Variants in MCF2L2 observed in about 807,000 individuals in gnomAD.
MCF2L2 encodes probable guanine nucleotide exchange factor MCF2L2.
A neutral mutation model predicts 150.2 loss-of-function variants in MCF2L2; 102 were observed. The observed-to-expected ratio is 0.68, with a 90% CI of 0.58 to 0.80. The LOEUF is 0.80. MCF2L2 is among the 30% of genes least tolerant of loss of function. The pLI is 0.00. For missense variants in MCF2L2, 1,256 were observed against 1,372.8 expected (o/e 0.91, Z 1.34); for synonymous variants, 465 against 491.3 (o/e 0.95, Z 0.71).
rs528486125 is a variant in MCF2L2 at position 183,239,278 on chromosome 3, G to A, written c.1863-8261C>T. Reference sequence around the variant, plus strand: ...TGCTTTACGTTTCAAAACAGACGCCGCCCTTAGCTCATTAAAGGGGAAATG... The same window carrying A: ...TGCTTTACGTTTCAAAACAGACGCCACCCTTAGCTCATTAAAGGGGAAATG... On this transcript the variant is annotated intron_variant, in intron 15 of 29. Coordinates refer to ENST00000328913, the MANE Select transcript of MCF2L2 (RefSeq NM_015078.4). Among the ~76,000 whole-genome samples the A allele has an allele frequency of 1.5e-3, 232 of 152,106 alleles. 2 individuals carry two copies. The highest frequency in any genetic ancestry group is 3.4e-3 in the Middle Eastern group (1 of 294).
chr3:183,215,291 T>A (rs1722873184), intron 22 of MCF2L2, among the ~76,000 whole-genome samples: 1 of 152,088 alleles, frequency 6.6e-6, no homozygotes, highest in South Asian at 2.1e-4. Context: ...AACAAACACA[T>A]CTGAATAAAA....
At position 183,305,038 on chromosome 3, in the gene MCF2L2, C is replaced by T. The variant is rs541625051; in HGVS notation, c.1113+4678G>A. On this transcript the variant is annotated intron_variant, in intron 10 of 29. Transcript: ENST00000328913. This position sits in a 1 kb window ranked among gnomAD's most constrained non-coding sequence, Gnocchi z 4.1. The stretch of plus-strand genomic sequence containing the variant: ...GCCAGGCACTGTTCTGAATGCTTTA[C>T]ATTTGCTTATTTCCTTAACTCTTCA... Among the ~76,000 whole-genome samples, 3 of 152,256 alleles carry T rather than the reference C, an allele frequency of 2.0e-5. No homozygotes were observed. Among genetic ancestry groups the T allele is most frequent in the Non-Finnish European group, 4.4e-5 (3 of 68,000 alleles).
intron 27 of MCF2L2, among the ~76,000 whole-genome samples, chr3:183,191,069 T>C (rs1225928058): frequency 6.6e-6 from 1 of 151,800 alleles, no homozygotes. Flanking sequence ...GTATTTTTAG[T>C]TTCATCATGT....
intron 7 of MCF2L2, among the ~76,000 whole-genome samples, chr3:183,315,503 G>A (rs1171609463): frequency 6.6e-6 from 1 of 152,082 alleles, no homozygotes; most frequent in Non-Finnish European, 1.5e-5. Context: ...TTGGATAGGG[G>A]GTGTTTAACC....
chr3:183,270,144 T>C lies in MCF2L2; in HGVS notation c.1862+6728A>G. 1 of 1,614,112 alleles carries C rather than the reference T, an allele frequency of 6.2e-7. No homozygotes were observed. Among genetic ancestry groups the C allele is most frequent in the African/African-American group, 1.3e-5 (1 of 75,022 alleles). On this transcript the variant is annotated intron_variant, in intron 15 of 29. Transcript: ENST00000328913. This position sits in a 1 kb window ranked among gnomAD's most constrained non-coding sequence, Gnocchi z 4.5. Reference sequence around the variant, plus strand: ...TAGAAGGACGTGGGGCAATGAAAATTATGTTCGGTCTCAGCTGAATGCCAA... The same window carrying C: ...TAGAAGGACGTGGGGCAATGAAAATCATGTTCGGTCTCAGCTGAATGCCAA...
chr3:183,402,537 C>T (rs1160249377), intron 1 of MCF2L2, among the ~76,000 whole-genome samples: 5 of 150,814 alleles, frequency 3.3e-5, no homozygotes, highest in Non-Finnish European at 7.4e-5. Flanking sequence ...CACAGTGGCT[C>T]ACACCTGTAA....
intron 27 of MCF2L2, among the ~76,000 whole-genome samples, chr3:183,185,667 C>T (rs1444207626): frequency 2.6e-5 from 4 of 152,148 alleles, no homozygotes; most frequent in Admixed American, 2.6e-4. Context: ...TGATCCATCC[C>T]AGTAGCTCTC....
chr3:183,318,606 T>C (rs1252893962), intron 6 of MCF2L2, among the ~76,000 whole-genome samples: 1 of 152,200 alleles, frequency 6.6e-6, no homozygotes, highest in Non-Finnish European at 1.5e-5. Context: ...TAAAACAATA[T>C]GTACTGTATA....
chr3:183,308,405 T>C (rs549211606), intron 10 of MCF2L2, among the ~76,000 whole-genome samples: 9 of 152,378 alleles, frequency 5.9e-5, no homozygotes, highest in Non-Finnish European at 1.0e-4. Context: ...GGGGCTGTCC[T>C]GGAGAATCTA....
In MCF2L2 at chr3:183,421,156, C is replaced by A. The variant is rs541804815; in HGVS notation, c.76+6746G>T. 2.6e-5 allele frequency among the ~76,000 whole-genome samples: 4 copies of A among 151,964 alleles called. No homozygotes were observed. In the East Asian group the frequency reaches 7.8e-4, roughly 29 times the overall value. ...CAATAATGTGTTTGGGTGTGGATCT[C>A]TTTACCTTTTTCCTACTTCAACATC... On this transcript the variant is annotated intron_variant, in intron 1 of 29. Transcript: ENST00000328913.
chr3:183,206,886 A>C lies in MCF2L2; in HGVS notation c.2713-672T>G, dbSNP rs1051715241. Among the ~76,000 whole-genome samples, 126 of 150,920 alleles carry C rather than the reference A, an allele frequency of 8.3e-4. 1 individual carries two copies. The highest frequency in any genetic ancestry group is 1.5e-4 in the Non-Finnish European group (10 of 67,776). ...TCTGTCGAAAGAAAAGAAAGAAAGA[A>C]AGACAAGAAAGAAAGACAGAAAGAA... On this transcript the variant is annotated intron_variant, in intron 23 of 29. Coordinates refer to ENST00000328913, the MANE Select transcript of MCF2L2 (RefSeq NM_015078.4).
intron 13 of MCF2L2, among the ~76,000 whole-genome samples, chr3:183,294,790 G>A (rs1328334276): frequency 2.7e-5 from 4 of 145,906 alleles, no homozygotes; most frequent in Non-Finnish European, 6.0e-5. Context: ...CACCACGCCT[G>A]GCTAATTTTT....
chr3:183,180,099 T>C lies in MCF2L2; in HGVS notation c.3077A>G (p.Asp1026Gly). ...DTFEDCEGAE[D>G]MEKESSALSL... ...CAGAGCACTGCTCTCCTTTTCCATG[T>C]CTTCTGCGCCTTCACAGTCTTCAAA... Residue 1026 changes from aspartate (D) to glycine (G), a missense_variant, in exon 28 of 30, where the codon GAC (aspartate) becomes GGC (glycine). By Grantham distance (94) the Asp-to-Gly change is moderately conservative. Transcript: ENST00000328913. The C allele has an allele frequency of 6.2e-7, 1 of 1,614,066 alleles. No individual in the cohort carries two copies. Among genetic ancestry groups the C allele is most frequent in the South Asian group, 1.1e-5 (1 of 91,082 alleles).
intron 1 of MCF2L2, among the ~76,000 whole-genome samples, chr3:183,403,161 A>T (rs1011763915): frequency 5.9e-5 from 9 of 152,000 alleles, no homozygotes; most frequent in South Asian, 2.1e-4. Context: ...AATCCCAGAT[A>T]CTCAGGAGGC....
intron 15 of MCF2L2, among the ~76,000 whole-genome samples, chr3:183,248,615 G>T (rs562229054): frequency 2.6e-5 from 4 of 152,070 alleles, no homozygotes; most frequent in African/African-American, 7.2e-5. Flanking sequence ...CAGGTGGATC[G>T]CTTGAGCCCA....
intron 3 of MCF2L2, among the ~76,000 whole-genome samples, chr3:183,367,329 G>A (rs886579069): frequency 2.0e-5 from 3 of 151,370 alleles, no homozygotes; most frequent in African/African-American, 4.9e-5. Flanking sequence ...GGGTTCAAGC[G>A]ATTCTCCTGC....
At chr3:183,390,153 A>G (rs570180801) in intron 1 of MCF2L2, among the ~76,000 whole-genome samples, 1 of 152,344 alleles carries the variant, frequency 6.6e-6, no homozygotes, top group East Asian at 1.9e-4. Flanking sequence ...TTTTAAACAC[A>G]AACAACATAA....
At chr3:183,228,113 C>A in intron 18 of MCF2L2, 184 bp downstream of exon 18, 1 of 555,072 alleles carries the variant, frequency 1.8e-6, no homozygotes, top group South Asian at 2.3e-5. Flanking sequence ...GTATATCAAA[C>A]CATCATGTTG....
intron 6 of MCF2L2, among the ~76,000 whole-genome samples, chr3:183,322,678 T>C (rs576772203): frequency 6.6e-6 from 1 of 152,314 alleles, no homozygotes; most frequent in South Asian, 2.1e-4. Flanking sequence ...TGTGCAGGTT[T>C]GTTACATGGG....
Sources: allele counts gnomAD v4.1 joint callset (sites outside exome capture counted in the v4.1 genomes callset), GRCh38; gene constraint gnomAD v4.1.1; non-coding constraint Gnocchi (gnomAD v3.1); transcripts MANE v1.5; gene names NCBI Gene and HGNC (gene_info 2026-07-23, HGNC 2026-07-21).